CCDC47: variants seen among roughly 807,000 people sequenced by gnomAD.
The protein encoded by CCDC47 is PAT complex subunit CCDC47.
Under a neutral mutation model 60.5 loss-of-function variants are expected in CCDC47, and 41 were observed. That is an observed-to-expected ratio of 0.68 (90% CI 0.53 to 0.88). The LOEUF (loss-of-function observed/expected upper bound fraction) is 0.88. CCDC47 is among the 40% of genes least tolerant of loss of function. CCDC47 has a pLI of 0.00. For missense variants in CCDC47, 513 were observed against 580.9 expected, an observed-to-expected ratio of 0.88 and a Z score of 1.20; for synonymous variants, 195 against 190.7, an observed-to-expected ratio of 1.02 and a Z score of -0.18.
chr17:63,765,308 T>C (rs902625604), intron 2 of CCDC47, among the ~76,000 whole-genome samples: 4 of 152,006 alleles, frequency 2.6e-5, no homozygotes, highest in Admixed American at 6.6e-5. Flanking sequence ...ACCAAAATGA[T>C]GAGTCCCCAT....
chr17:63,759,318 G>A (rs928055753), intron 6 of CCDC47, among the ~76,000 whole-genome samples: 3 of 148,744 alleles, frequency 2.0e-5, no homozygotes, highest in East Asian at 2.0e-4. Context: ...GTGAAACCCC[G>A]TCTCTACTAA....
chr17:63,760,849 AAAAAG>A, intron 6 of CCDC47, 60 bp downstream of exon 6: 10 of 1,217,500 alleles, frequency 8.2e-6, no homozygotes, highest in South Asian at 5.4e-5. Flanking sequence ...AAAAAAAAAA[AAAAAG>A]AAAGAAAGAA....
chr17:63,765,768 C>G, intron 2 of CCDC47, 144 bp downstream of exon 2: 1 of 1,391,576 alleles, frequency 7.2e-7, no homozygotes, highest in Non-Finnish European at 9.5e-7. Context: ...AAACTTACCA[C>G]AGAACATTTA....
At chr17:63,768,928 A>T (rs2039315691) in intron 1 of CCDC47, among the ~76,000 whole-genome samples, 1 of 151,904 alleles carries the variant, frequency 6.6e-6, no homozygotes. Flanking sequence ...TACTAAAAAT[A>T]TTTAAAAAAT....
chr17:63,772,051 C>T (rs552522599), intron 1 of CCDC47, among the ~76,000 whole-genome samples: 4 of 152,010 alleles, frequency 2.6e-5, no homozygotes, highest in Admixed American at 6.6e-5. Flanking sequence ...CACTGCACTC[C>T]AGCCTGGGCA....
chr17:63,763,928 G>C, intron 4 of CCDC47, 88 bp downstream of exon 4: 1 of 933,304 alleles, frequency 1.1e-6, no homozygotes. Context: ...TTCCATGAAA[G>C]CAGTTAGATG....
At chr17:63,754,835 A>T (rs2039193177) in intron 8 of CCDC47, among the ~76,000 whole-genome samples, 1 of 151,062 alleles carries the variant, frequency 6.6e-6, no homozygotes, top group Non-Finnish European at 1.5e-5. Flanking sequence ...GTGAGCAGAG[A>T]CCACGCCACT....
intron 12 of CCDC47, among the ~76,000 whole-genome samples, chr17:63,751,195 G>C (rs1268209305): frequency 6.6e-6 from 1 of 150,698 alleles, no homozygotes; most frequent in Non-Finnish European, 1.5e-5. Context: ...TCTCTTTCTT[G>C]ACCAGCATTT....
At position 63,756,328 on chromosome 17, in the gene CCDC47, G is replaced by C. The variant is rs769751255; in HGVS notation, c.860C>G (p.Pro287Arg). 1 of 1,614,014 alleles carries C rather than the reference G, an allele frequency of 6.2e-7. No homozygotes were observed. The highest frequency in any genetic ancestry group is 1.1e-5 in the South Asian group (1 of 91,066). The change falls in exon 8 of 13, where the codon CCT (proline) becomes CGT (arginine). Residue 287 changes from proline (P) to arginine (R), a missense_variant. Pro to Arg is a moderately radical substitution (Grantham distance 103). Coordinates refer to ENST00000225726, the MANE Select transcript of CCDC47 (RefSeq NM_020198.3). ...QDLSEFCSDKPKSGAKYGLPD... is the reference protein window; with the variant it reads ...QDLSEFCSDKRKSGAKYGLPD... ...CAGTCCATACTTTGCTCCAGACTTA[G>C]GTTTATCACTACAAAACTCACTCTA...
intron 8 of CCDC47, among the ~76,000 whole-genome samples, chr17:63,755,717 GCT>G (rs2039200458): frequency 6.6e-6 from 1 of 151,920 alleles, no homozygotes; most frequent in Non-Finnish European, 1.5e-5. Flanking sequence ...GAAAGAAATG[GCT>G]CTCTCAGCCA....
intron 1 of CCDC47, among the ~76,000 whole-genome samples, chr17:63,772,399 G>A (rs952678687): frequency 6.6e-6 from 1 of 151,614 alleles, no homozygotes; most frequent in African/African-American, 2.4e-5. Context: ...GACTACAGGC[G>A]CTCGCCACCA....
At chr17:63,756,706 A>C (rs898451276) in intron 6 of CCDC47, 136 bp from the exon 7 acceptor site, 4 of 630,454 alleles carry the variant, frequency 6.3e-6, no homozygotes, top group Non-Finnish European at 1.1e-5. Flanking sequence ...TGCAAATATG[A>C]TGGAATATTA....
At chr17:63,770,801 C>A in intron 1 of CCDC47, among the ~76,000 whole-genome samples, 1 of 151,528 alleles carries the variant, frequency 6.6e-6, no homozygotes, top group African/African-American at 2.4e-5. Flanking sequence ...GCCTGGTCAA[C>A]ATGGTGAAAT....
intron 12 of CCDC47, among the ~76,000 whole-genome samples, chr17:63,750,589 C>T (rs916384432): frequency 6.6e-6 from 1 of 151,602 alleles, no homozygotes; most frequent in African/African-American, 2.4e-5. Flanking sequence ...TTGTCCTCTC[C>T]CTTTTTTTTT....
chr17:63,756,256 C>T lies in CCDC47; in HGVS notation c.932G>A (p.Gly311Glu). Residue 311 changes from glycine (G) to glutamate (E), a missense_variant, in exon 8 of 13, where the codon GGA becomes GAA. Coordinates refer to ENST00000225726, the MANE Select transcript of CCDC47 (RefSeq NM_020198.3). ...ILSEMGEVTD[G>E]MMDTKMVHFL... The stretch of plus-strand genomic sequence containing the variant: ...CGCATTTACCTTTGTATCCATCATT[C>T]CGTCTGTGACTTCTCCCATCTCTGA... The T allele has an allele frequency of 6.2e-7, 1 of 1,613,430 alleles. No individual in the cohort carries two copies. Among genetic ancestry groups the T allele is most frequent in the Non-Finnish European group, 8.5e-7 (1 of 1,179,330 alleles).
rs765103846 is a variant in CCDC47, at chr17:63,761,328, CTTCT to C, written c.567_570del (p.Glu190ProfsTer7). On this transcript the variant is annotated frameshift_variant, in exon 5 of 13. Transcript: ENST00000225726. LOFTEE classifies it high-confidence loss of function. Reference sequence around the variant, plus strand: ...TGGTTCAACTTTCCTGTGCTTGTGGCTTCTTTGTTAGTTCCATCATCCCCTAGGG... The same window carrying C: ...TGGTTCAACTTTCCTGTGCTTGTGGCTTGTTAGTTCCATCATCCCCTAGGG... 4 of 1,613,882 alleles carry C rather than the reference CTTCT, an allele frequency of 2.5e-6. No individual in the cohort carries two copies. The highest frequency in any genetic ancestry group is 1.1e-5 in the South Asian group (1 of 91,084).
rs965374240 is a variant in CCDC47 at position 63,764,202 on chromosome 17, A to C, written c.373-12T>G. ...AGGTGTGCAGGAACCTAAAAAAGCA[A>C]AATCATTCCATTAAATGTTGGCTGA... On this transcript the variant is annotated splice_polypyrimidine_tract_variant and intron_variant, in intron 3 of 12. Transcript: ENST00000225726. 6.4e-7 allele frequency: 1 copy of C among 1,572,724 alleles called. No individual in the cohort carries two copies. The highest frequency in any genetic ancestry group is 1.2e-5 in the South Asian group (1 of 83,822).
Position 63,761,238 on chromosome 17 carries a change from G to A in CCDC47, c.661C>T (p.Gln221Ter), listed in dbSNP as rs1240828621. The part of the protein sequence containing the change: ...GRVCCEGMLI[Q>*]LRFLKRQDLL... The stretch of plus-strand genomic sequence containing the variant: ...AGAAGTTTCCTACTTACCCTCAGCT[G>A]GATAAGCATGCCCTCACAGCACACT... The change falls in exon 5 of 13, where the codon CAG becomes TAG. Residue 221 changes from glutamine (Q) to a stop codon, truncating the protein, a stop_gained. Transcript: ENST00000225726. LOFTEE classifies it high-confidence loss of function. The A allele has an allele frequency of 6.2e-7, 1 of 1,614,126 alleles. No homozygotes were observed.
intron 12 of CCDC47, among the ~76,000 whole-genome samples, chr17:63,751,527 A>T (rs2039165434): frequency 6.6e-6 from 1 of 152,068 alleles, no homozygotes; most frequent in African/African-American, 2.4e-5. Context: ...AAAAACAGAA[A>T]ACAAAAATAC....
Sources: gnomAD v4.1 joint callset for allele counts (sites outside exome capture counted in the v4.1 genomes callset) on GRCh38, gnomAD v4.1.1 for gene constraint, MANE v1.5 for transcripts, NCBI Gene and HGNC (gene_info 2026-07-23, HGNC 2026-07-21) for gene names.